FAM111A: variants seen among roughly 807,000 people sequenced by gnomAD.
The protein encoded by FAM111A is FAM111 trypsin like peptidase A, also known as serine protease FAM111A.
In FAM111A, 8 loss-of-function variants were observed where a neutral mutation model predicts 3.3. That is an observed-to-expected ratio of 2.39 (90% CI 1.40 to 4.32). The LOEUF is 4.32. Ranked by LOEUF, FAM111A falls within the 30% of genes most tolerant of loss-of-function variation. The pLI, the probability that FAM111A is intolerant of heterozygous loss-of-function variation, is 0.00. For synonymous variants in FAM111A, 227 were observed against 243.1 expected (o/e 0.93, Z 0.62); for missense variants, 683 against 727.6 (o/e 0.94, Z 0.71).
Position 59,152,889 on chromosome 11 carries a change from T to G in FAM111A, c.1221T>G (p.Cys407Trp), listed in dbSNP as rs1217700164. The change falls in exon 6 of 6, where the codon TGT becomes TGG. Residue 407 changes from cysteine to tryptophan, a missense_variant. Around this residue, in one of 3 missense-constraint regions of FAM111A, gnomAD observed 557 missense variants for 600.2 expected, o/e 0.93. Transcript: ENST00000675163. ...PSKWATIIGQ[C>W]VRVTFGYEEL... ...AGTGGGCAACCATAATTGGTCAATG[T>G]GTAAGGGTGACATTTGGTTATGAAG... The G allele has an allele frequency of 6.2e-7, 1 of 1,614,162 alleles. No homozygotes were observed. Among genetic ancestry groups the G allele is most frequent in the South Asian group, 1.1e-5 (1 of 91,082 alleles).
At chr11:59,146,291 C>T (rs561816728) in intron 4 of FAM111A, among the ~76,000 whole-genome samples, 2 of 152,234 alleles carry the variant, frequency 1.3e-5, no homozygotes, top group African/African-American at 4.8e-5. Context: ...ACCAGGTTGG[C>T]CAAGCTGGCC....
intron 4 of FAM111A, among the ~76,000 whole-genome samples, chr11:59,147,012 T>A (rs1051256389): frequency 6.6e-6 from 1 of 152,126 alleles, no homozygotes; most frequent in Non-Finnish European, 1.5e-5. Context: ...GTAACATAAA[T>A]CATCTAGTAA....
chr11:59,154,537 G>A lies in FAM111A; in HGVS notation c.*1033G>A, dbSNP rs1316313493. The A allele has an allele frequency of 6.6e-6, 1 of 152,070 alleles. No individual in the cohort carries two copies. Among genetic ancestry groups the A allele is most frequent in the Non-Finnish European group, 1.5e-5 (1 of 68,020 alleles). 9.4% of individuals were successfully genotyped at this position (152,070 alleles called of 1,614,324 possible). The stretch of plus-strand genomic sequence containing the variant: ...AAGACTATATAGATGATTCAACCAA[G>A]CCTGCAAATCTCCCTCTTGTGGAAT... On this transcript the variant is annotated 3_prime_UTR_variant, in exon 6 of 6. Transcript: ENST00000675163.
In FAM111A at chr11:59,142,877, C is replaced by G. The variant is rs1860329314; in HGVS notation, c.-597C>G. 6.6e-6 allele frequency: 1 copy of G among 152,026 alleles called. No homozygotes were observed. The highest frequency in any genetic ancestry group is 1.5e-5 in the Non-Finnish European group (1 of 68,214). 9.4% of individuals were successfully genotyped at this position (152,026 alleles called of 1,614,324 possible). On this transcript the variant is annotated 5_prime_UTR_variant, in exon 1 of 6. Transcript: ENST00000675163. ...CCGGCCCAGGCCAGCCTACCGGCGACTAGGATGCTTTCGCTTTCGCTCTCG... is the reference window on the plus strand; with the variant it reads ...CCGGCCCAGGCCAGCCTACCGGCGAGTAGGATGCTTTCGCTTTCGCTCTCG...
intron 5 of FAM111A, among the ~76,000 whole-genome samples, chr11:59,151,264 C>G (rs956686372): frequency 6.6e-6 from 1 of 152,096 alleles, no homozygotes; most frequent in Non-Finnish European, 1.5e-5. Context: ...ATTTCTCCAG[C>G]CTCAGCCTCC....
intron 1 of FAM111A, 61 bp downstream of exon 1, chr11:59,143,007 G>A (rs915950499): frequency 6.6e-6 from 1 of 152,126 alleles, no homozygotes; most frequent in African/African-American, 2.4e-5. Flanking sequence ...CGTCAAGGAG[G>A]AGCGCTGTGG....
At position 59,152,600 on chromosome 11, in the gene FAM111A, T is replaced by G; in HGVS notation, c.932T>G (p.Ile311Ser). 6.2e-7 allele frequency: 1 copy of G among 1,613,864 alleles called. No homozygotes were observed. Among genetic ancestry groups the G allele is most frequent in the Non-Finnish European group, 8.5e-7 (1 of 1,179,970 alleles). The change falls in exon 6 of 6, where the codon ATT (isoleucine) becomes AGT (serine). Residue 311 changes from isoleucine to serine, a missense_variant. Physicochemically the swap from Ile to Ser is moderately radical, Grantham distance 142. Transcript: ENST00000675163. ...TTGAAAAGAGAAAGTGAAAAAATCA[T>G]TGAAAACTTCAAGAAAAAAATGAAA... ...PSLKRESEKI[I>S]ENFKKKMKVK...
chr11:59,153,353 A>T lies in FAM111A; in HGVS notation c.1685A>T (p.Tyr562Phe). Reference protein sequence around the residue: ...LVAMHAAGFAYTYQNETRSII... With the variant: ...LVAMHAAGFAFTYQNETRSII... ...GCCATGCATGCTGCTGGCTTTGCTT[A>T]TACTTACCAAAATGAGACTCGTAGT... is the stretch of plus-strand genomic sequence containing the variant. The change falls in exon 6 of 6, where the codon TAT (tyrosine) becomes TTT (phenylalanine). Residue 562 changes from tyrosine to phenylalanine, a missense_variant. Around this residue, in one of 3 missense-constraint regions of FAM111A, gnomAD observed 122 missense variants for 110.9 expected, o/e 1.10. Transcript: ENST00000675163. The T allele has an allele frequency of 6.2e-7, 1 of 1,614,180 alleles. No homozygotes were observed. Among genetic ancestry groups the T allele is most frequent in the Non-Finnish European group, 8.5e-7 (1 of 1,180,032 alleles).
chr11:59,143,804 C>T (rs1860470062), intron 3 of FAM111A, 109 bp downstream of exon 3: 1 of 152,208 alleles, frequency 6.6e-6, no homozygotes, highest in Middle Eastern at 3.2e-3. Flanking sequence ...TTTACTATTT[C>T]AAGAAACTTT....
chr11:59,154,526 G>T lies in FAM111A; in HGVS notation c.*1022G>T, dbSNP rs1051504347. 5 of 152,132 alleles carry T rather than the reference G, an allele frequency of 3.3e-5. No individual in the cohort carries two copies. The highest frequency in any genetic ancestry group is 1.2e-4 in the African/African-American group (5 of 41,438). The allele number at this position is 152,132 out of a possible 1,614,324, so 9.4% of individuals were successfully genotyped here. On this transcript the variant is annotated 3_prime_UTR_variant, in exon 6 of 6. Coordinates refer to ENST00000675163, the MANE Select transcript of FAM111A (RefSeq NM_001312909.2). The stretch of plus-strand genomic sequence containing the variant: ...ATGGTATTATGAAGACTATATAGAT[G>T]ATTCAACCAAGCCTGCAAATCTCCC...
chr11:59,144,145 A>G (rs777425863), intron 3 of FAM111A: 1 of 152,208 alleles, frequency 6.6e-6, no homozygotes, highest in Non-Finnish European at 1.5e-5. Flanking sequence ...TGAGCAAGAA[A>G]CTTAGCTTTG....
At position 59,151,950 on chromosome 11, in the gene FAM111A, T is replaced by G. The variant is rs761688299; in HGVS notation, c.282T>G (p.Leu94=). Residue 94 remains leucine (L), a synonymous_variant, in exon 6 of 6, where the codon CTT becomes CTG. Transcript: ENST00000675163. The part of the protein sequence containing the change: ...VNHRRNQDMK[L]KLTHSENSSL... ...ACAGGAGAAACCAAGATATGAAACTTAAGCTCACACATAGTGAGAATAGTA... is the reference window on the plus strand; with the variant it reads ...ACAGGAGAAACCAAGATATGAAACTGAAGCTCACACATAGTGAGAATAGTA... 6.2e-7 allele frequency: 1 copy of G among 1,613,596 alleles called. No individual in the cohort carries two copies. Among genetic ancestry groups the G allele is most frequent in the South Asian group, 1.1e-5 (1 of 91,076 alleles).
rs1253558030 is a variant in FAM111A at position 59,154,879 on chromosome 11, G to T, written c.*1375G>T. 1 of 153,028 alleles carries T rather than the reference G, an allele frequency of 6.5e-6. No homozygotes were observed. Among genetic ancestry groups the T allele is most frequent in the Admixed American group, 6.5e-5 (1 of 15,280 alleles). 9.5% of individuals were successfully genotyped at this position (153,028 alleles called of 1,614,324 possible). ...GCTTATCTAACCTCCCCAGTGTTCA[G>T]GTGTTTCACAAGAAAGTCTGAGATA... On this transcript the variant is annotated 3_prime_UTR_variant, in exon 6 of 6. Transcript: ENST00000675163.
rs912307173 is a variant in FAM111A at position 59,143,363 on chromosome 11, A to T, written c.-306+59A>T. On this transcript the variant is annotated intron_variant, in intron 2 of 5. Coordinates refer to ENST00000675163, the MANE Select transcript of FAM111A (RefSeq NM_001312909.2). ...AGTTTTGCCAGGATTCATTGGCCGC[A>T]GCAGGATGCTGGTGGGGACAGGGTA... is the stretch of plus-strand genomic sequence containing the variant. The T allele has an allele frequency of 2.0e-5, 3 of 152,268 alleles. 1 individual carries two copies. The highest frequency in any genetic ancestry group is 4.1e-4 in the South Asian group (2 of 4,830). 9.4% of individuals were successfully genotyped at this position (152,268 alleles called of 1,614,324 possible). A position where few individuals can be genotyped will look rare whatever the true frequency, so the allele number is the denominator to read the frequency against.
chr11:59,153,359 AC>A lies in FAM111A; in HGVS notation c.1693del (p.Gln565LysfsTer34), dbSNP rs1000350393. On this transcript the variant is annotated frameshift_variant, in exon 6 of 6. Coordinates refer to ENST00000675163, the MANE Select transcript of FAM111A (RefSeq NM_001312909.2). LOFTEE classifies it low-confidence loss of function (END_TRUNC). The part of the protein sequence containing the change: ...AMHAAGFAYT[Y>X]QNETRSIIEF... ...CATGCTGCTGGCTTTGCTTATACTT[AC>A]CAAAATGAGACTCGTAGTATCATTG... 1.2e-6 allele frequency: 2 copies of A among 1,614,106 alleles called. No individual in the cohort carries two copies. The highest frequency in any genetic ancestry group is 1.6e-4 in the Middle Eastern group (1 of 6,062).
chr11:59,148,867 G>A lies in FAM111A; in HGVS notation c.-6G>A, dbSNP rs1292525854. ...AGCTGAACCATCCGTTCATCTTCAA[G>A]CCATCATGAGCTGTAAGAAGCAGAG... On this transcript the variant is annotated 5_prime_UTR_variant, in exon 5 of 6. Coordinates refer to ENST00000675163, the MANE Select transcript of FAM111A (RefSeq NM_001312909.2). 1.2e-6 allele frequency: 2 copies of A among 1,610,382 alleles called. No homozygotes were observed. The highest frequency in any genetic ancestry group is 4.5e-5 in the East Asian group (2 of 44,854).
rs1862002942 is a variant in FAM111A at position 59,153,634 on chromosome 11, A to G, written c.*130A>G. The stretch of plus-strand genomic sequence containing the variant: ...TAATATTGACCATTTCCTATCTGCC[A>G]GGCATTTTTCTAAGCACATGAAGAA... On this transcript the variant is annotated 3_prime_UTR_variant, in exon 6 of 6. Coordinates refer to ENST00000675163, the MANE Select transcript of FAM111A (RefSeq NM_001312909.2). 1.4e-6 allele frequency: 1 copy of G among 708,616 alleles called. No homozygotes were observed. The highest frequency in any genetic ancestry group is 1.8e-5 in the African/African-American group (1 of 55,286). The allele number at this position is 708,616 out of a possible 1,614,324, so 43.9% of individuals were successfully genotyped here.
chr11:59,152,121 C>A lies in FAM111A; in HGVS notation c.453C>A (p.Gly151=). The change falls in exon 6 of 6, where the codon GGC becomes GGA. Residue 151 remains glycine, a synonymous_variant. Transcript: ENST00000675163. ...GMPLSCFPEG[G]QVVITFSQSK... The stretch of plus-strand genomic sequence containing the variant: ...CCCTCAGTTGTTTCCCTGAAGGTGG[C>A]CAGGTGGTCATTACATTTTCCCAAA... 2 of 1,614,068 alleles carry A rather than the reference C, an allele frequency of 1.2e-6. No individual in the cohort carries two copies. Among genetic ancestry groups the A allele is most frequent in the Non-Finnish European group, 1.7e-6 (2 of 1,180,010 alleles).
chr11:59,144,483 C>T (rs1483460956), intron 3 of FAM111A: 1 of 152,202 alleles, frequency 6.6e-6, no homozygotes, highest in Non-Finnish European at 1.5e-5. Context: ...TGCCTTATCA[C>T]TAGCAACACT....
Sources: gnomAD v4.1 joint callset for allele counts (sites outside exome capture counted in the v4.1 genomes callset) on GRCh38, gnomAD v4.1.1 for gene constraint, gnomAD v4.1.1 regional missense constraint, MANE v1.5 for transcripts, NCBI Gene and HGNC (gene_info 2026-07-23, HGNC 2026-07-21) for gene names.